The following TTPA variants were observed in gnomAD, a reference collection of about 807,000 sequenced individuals.
The protein encoded by TTPA is alpha tocopherol transfer protein, also known as alpha-tocopherol transfer protein.
In TTPA, 23 loss-of-function variants were observed where a neutral mutation model predicts 25.9. The observed-to-expected ratio is 0.89, with a 90% confidence interval of 0.64 to 1.26. The LOEUF is 1.26. Among genes scored for constraint, TTPA ranks in the 50% most tolerant of loss-of-function variants. The pLI, the probability that TTPA is intolerant of heterozygous loss-of-function variation, is 0.00. For missense variants in TTPA, 337 were observed against 353.1 expected (o/e 0.95, Z 0.37); for synonymous variants, 148 against 137.3 (o/e 1.08, Z -0.54).
chr8:63,080,590 C>T (rs571395250), intron 1 of TTPA, among the ~76,000 whole-genome samples: 17 of 151,680 alleles, frequency 1.1e-4, no homozygotes, highest in South Asian at 8.3e-4. Flanking sequence ...GGCGTGGTGG[C>T]GGGCGTCTGT....
chr8:63,080,793 C>CA (rs968257758), intron 1 of TTPA, among the ~76,000 whole-genome samples: 17 of 148,556 alleles, frequency 1.1e-4, no homozygotes, highest in African/African-American at 3.0e-4. Context: ...CAAATAGACA[C>CA]AAAAAAATGA....
rs907643395 is a variant in TTPA, at chr8:63,080,497, G to A, written c.204+5321C>T. On this transcript the variant is annotated intron_variant, in intron 1 of 4. Coordinates refer to ENST00000260116, the MANE Select transcript of TTPA (RefSeq NM_000370.3). ...AGCACTTTGGGAGGCCAAGGCAGGC[G>A]GATCACGACGTCGGGAGATCAAGAC... Among the ~76,000 whole-genome samples, 7 of 152,158 alleles carry A rather than the reference G, an allele frequency of 4.6e-5. No individual in the cohort carries two copies. In the South Asian group the frequency reaches 6.2e-4, roughly 14 times the overall value.
At chr8:63,069,504 A>G (rs1805449407) in intron 2 of TTPA, among the ~76,000 whole-genome samples, 1 of 151,812 alleles carries the variant, frequency 6.6e-6, no homozygotes, top group Non-Finnish European at 1.5e-5. Context: ...CTGATGGGGG[A>G]GGATTGCTTG....
chr8:63,067,082 G>GT (rs1350439385), intron 2 of TTPA, among the ~76,000 whole-genome samples: 2 of 151,866 alleles, frequency 1.3e-5, no homozygotes, highest in African/African-American at 4.8e-5. Flanking sequence ...TTAAAGAAGC[G>GT]TAATAGTTTC....
chr8:63,080,715 G>C (rs1324757782), intron 1 of TTPA, among the ~76,000 whole-genome samples: 2 of 131,160 alleles, frequency 1.5e-5, no homozygotes, highest in African/African-American at 6.1e-5. Flanking sequence ...GCGAGACTCC[G>C]TATCAAAAAA....
Position 63,065,934 on chromosome 8 carries a change from G to T in TTPA, c.522C>A (p.Ser174=). The T allele has an allele frequency of 6.2e-7, 1 of 1,614,026 alleles. No homozygotes were observed. The highest frequency in any genetic ancestry group is 8.5e-7 in the Non-Finnish European group (1 of 1,179,984). The change falls in exon 3 of 5, where the codon TCC becomes TCA. Residue 174 remains serine, a synonymous_variant. Transcript: ENST00000260116. ...QFSHAFQITP[S]VAKKIAAVLT... ...GTACAGCAGCAATCTTCTTGGCTAC[G>T]GATGGAGTGATTTGAAAAGCATGAG...
intron 1 of TTPA, among the ~76,000 whole-genome samples, chr8:63,083,858 T>C (rs1311188684): frequency 2.6e-5 from 4 of 151,152 alleles, no homozygotes; most frequent in African/African-American, 7.3e-5. Flanking sequence ...AATATCAGAG[T>C]GATGAGTTAT....
intron 2 of TTPA, among the ~76,000 whole-genome samples, chr8:63,070,608 G>T (rs761590270): frequency 6.6e-6 from 1 of 152,134 alleles, no homozygotes; most frequent in Non-Finnish European, 1.5e-5. Flanking sequence ...CAAATCTCTT[G>T]AGTTAAACAA....
chr8:63,085,774 G>A, intron 1 of TTPA, 44 bp downstream of exon 1: 1 of 1,524,380 alleles, frequency 6.6e-7, no homozygotes, highest in Non-Finnish European at 8.8e-7. Context: ...GGGACGGGGC[G>A]GGTGAGGTGC....
intron 1 of TTPA, among the ~76,000 whole-genome samples, chr8:63,084,122 T>A (rs916833924): frequency 1.3e-5 from 2 of 152,062 alleles, no homozygotes; most frequent in African/African-American, 4.8e-5. Context: ...CTGAGCTCAA[T>A]TGATCCACCA....
chr8:63,064,677 A>G (rs2129742734), intron 3 of TTPA, among the ~76,000 whole-genome samples: 1 of 152,322 alleles, frequency 6.6e-6, no homozygotes, highest in African/African-American at 2.4e-5. Flanking sequence ...ATTTTGAGAA[A>G]AAAAATCACA....
chr8:63,083,891 T>TTTA (rs1805703737), intron 1 of TTPA, among the ~76,000 whole-genome samples: 1 of 138,752 alleles, frequency 7.2e-6, no homozygotes, highest in Non-Finnish European at 1.6e-5. Context: ...CTTTTTTTTC[T>TTTA]TTTTTTTTTT....
chr8:63,063,334 G>C (rs1805338540), intron 4 of TTPA, among the ~76,000 whole-genome samples: 1 of 152,084 alleles, frequency 6.6e-6, no homozygotes, highest in Non-Finnish European at 1.5e-5. Flanking sequence ...AGATATATGA[G>C]ATGCTTTTTC....
chr8:63,061,494 A>C (rs1389853994), intron 4 of TTPA, 69 bp from the exon 5 acceptor site: 24 of 1,404,442 alleles, frequency 1.7e-5, no homozygotes, highest in Non-Finnish European at 2.3e-5. Context: ...TCAACCTCAT[A>C]AAACAAGGTA....
At chr8:63,075,698 CAA>C (rs751066913) in intron 1 of TTPA, among the ~76,000 whole-genome samples, 4,838 of 56,188 alleles carry the variant, frequency 0.086, 53 homozygotes, top group African/African-American at 0.2. Flanking sequence ...GACTCCGTCT[CAA>C]AAAAAAAAAA....
At chr8:63,076,142 G>A (rs112207774) in intron 1 of TTPA, among the ~76,000 whole-genome samples, 1,616 of 152,212 alleles carry the variant, frequency 0.011, 32 homozygotes, top group African/African-American at 0.037. Context: ...TTTCAGACAA[G>A]TTACTTACTC....
rs760412675 is a variant in TTPA, at chr8:63,085,885, G to T, written c.137C>A (p.Pro46Gln). 13 of 1,531,816 alleles carry T rather than the reference G, an allele frequency of 8.5e-6. No homozygotes were observed. The highest frequency in any genetic ancestry group is 8.4e-5 in the South Asian group (7 of 83,322). The allele number at this position is 1,531,816 out of a possible 1,614,324, so 94.9% of individuals were successfully genotyped here. ...CCGCAGCAGGAAGGAGTCGGTGAGC[G>T]GCAGCGGCGCGAGCGGGACGCCAGC... ...REAGVPLAPL[P>Q]LTDSFLLRFL... The change falls in exon 1 of 5, where the codon CCG becomes CAG. Residue 46 changes from proline (P) to glutamine (Q), a missense_variant. Pro to Gln is a moderately conservative substitution (Grantham distance 76). Coordinates refer to ENST00000260116, the MANE Select transcript of TTPA (RefSeq NM_000370.3).
intron 4 of TTPA, among the ~76,000 whole-genome samples, chr8:63,062,583 A>C (rs1805325857): frequency 6.6e-6 from 1 of 152,172 alleles, no homozygotes; most frequent in Non-Finnish European, 1.5e-5. Flanking sequence ...GAAGGGGCAA[A>C]ATAAGAAAAT....
chr8:63,079,737 C>T (rs372441362), intron 1 of TTPA, among the ~76,000 whole-genome samples: 2 of 152,122 alleles, frequency 1.3e-5, no homozygotes, highest in Non-Finnish European at 2.9e-5. Flanking sequence ...TTTAACACCC[C>T]ACTGTCAATA....
Sources: gnomAD v4.1 joint callset for allele counts (sites outside exome capture counted in the v4.1 genomes callset) on GRCh38, gnomAD v4.1.1 for gene constraint, MANE v1.5 for transcripts, NCBI Gene and HGNC (gene_info 2026-07-23, HGNC 2026-07-21) for gene names.